Variants in HDAC9 observed in about 807,000 individuals in gnomAD.
HDAC9 encodes histone deacetylase 9, also known as MEF-2 interacting transcription repressor (MITR) protein.
In HDAC9, 41 loss-of-function variants were observed where a neutral mutation model predicts 139.4. The ratio of observed to expected loss-of-function variants is 0.29; its 90% CI spans 0.23 to 0.38. HDAC9 has a LOEUF of 0.38. Among genes scored for constraint, HDAC9 ranks in the 10% least tolerant of loss-of-function variants. The pLI is 1.00. For synonymous variants in HDAC9, 517 were observed against 476.2 expected (o/e 1.09, Z -1.12); for missense variants, 1,147 against 1,297.0 (o/e 0.88, Z 1.78).
At chr7:18,850,041 G>C (rs1363120078) in intron 21 of HDAC9, among the ~76,000 whole-genome samples, 8 of 139,026 alleles carry the variant, frequency 5.8e-5, no homozygotes. Context: ...TCATTTTACT[G>C]TATCTGTAAG....
intron 1 of HDAC9, among the ~76,000 whole-genome samples, chr7:18,441,752 C>T (rs1361269555): frequency 6.6e-6 from 1 of 151,472 alleles, no homozygotes; most frequent in East Asian, 1.9e-4. Flanking sequence ...TATACACACA[C>T]ACATATATGT....
At chr7:18,571,079 A>G (rs1824118634) in intron 2 of HDAC9, among the ~76,000 whole-genome samples, 1 of 152,274 alleles carries the variant, frequency 6.6e-6, no homozygotes, top group African/African-American at 2.4e-5. Context: ...TGGTGCCACC[A>G]TGTGGCAATA....
rs374808676 is a variant in HDAC9 at position 18,989,846 on chromosome 7, C to T, written c.3171-6177C>T. 3.6e-4 allele frequency among the ~76,000 whole-genome samples: 53 copies of T among 145,746 alleles called. No individual in the cohort carries two copies. The East Asian group carries it at 5.6e-3, about 15-fold the overall frequency. On this transcript the variant is annotated intron_variant, in intron 25 of 25. Transcript: ENST00000686413. The stretch of plus-strand genomic sequence containing the variant: ...TACCCTTTCTTCCAGTTGATCGCAT[C>T]GGCTCCTGAGGCTTCTGCATTCTTC...
At chr7:18,547,941 T>A (rs1175132360) in intron 2 of HDAC9, among the ~76,000 whole-genome samples, 1 of 145,312 alleles carries the variant, frequency 6.9e-6, no homozygotes, top group Non-Finnish European at 1.5e-5. Flanking sequence ...CCATTTGCAT[T>A]CACAATTTTG....
At chr7:18,240,159 C>G (rs1584792716) in intron 2 of HDAC9, among the ~76,000 whole-genome samples, 1 of 152,052 alleles carries the variant, frequency 6.6e-6, no homozygotes, top group East Asian at 1.9e-4. Flanking sequence ...AAAAGTCTGG[C>G]TATTTCCTAG....
intron 2 of HDAC9, among the ~76,000 whole-genome samples, chr7:18,529,176 C>T (rs2128231569): frequency 6.6e-6 from 1 of 151,852 alleles, no homozygotes; most frequent in South Asian, 2.1e-4. Context: ...CAGAAAATAA[C>T]CAGAGAAGAA....
At chr7:18,711,894 G>C (rs2129114178) in intron 12 of HDAC9, among the ~76,000 whole-genome samples, 1 of 150,612 alleles carries the variant, frequency 6.6e-6, no homozygotes, top group Non-Finnish European at 1.5e-5. Flanking sequence ...TCCATTCCCT[G>C]TCTTTTCCCA....
Position 18,626,437 on chromosome 7 carries a change from G to A in HDAC9, c.665-2913G>A, listed in dbSNP as rs532755073. Among the ~76,000 whole-genome samples the A allele has an allele frequency of 2.0e-5, 3 of 152,328 alleles. No homozygotes were observed. In the South Asian group the frequency reaches 6.2e-4, roughly 32 times the overall value. The stretch of plus-strand genomic sequence containing the variant: ...TAGAGAAGGAAGGACAATTGAATCT[G>A]TTGGGGGGAAAATGAAGAAAATCCC... On this transcript the variant is annotated intron_variant, in intron 6 of 25. Transcript: ENST00000686413.
intron 23 of HDAC9, among the ~76,000 whole-genome samples, chr7:18,939,066 T>G (rs1367167732): frequency 2.0e-5 from 3 of 152,240 alleles, no homozygotes; most frequent in Admixed American, 6.5e-5. Flanking sequence ...ACTTACTAAT[T>G]AATATGTATG....
chr7:18,416,475 T>C (rs569016813), intron 1 of HDAC9, among the ~76,000 whole-genome samples: 7 of 152,218 alleles, frequency 4.6e-5, no homozygotes, highest in African/African-American at 1.7e-4. Context: ...CTGTGTAGAA[T>C]TGGTATTATA....
chr7:18,325,321 C>T (rs963531480), intron 1 of HDAC9, among the ~76,000 whole-genome samples: 2 of 152,024 alleles, frequency 1.3e-5, no homozygotes, highest in African/African-American at 2.4e-5. Context: ...TCTTCAATTT[C>T]CCCAGTTGAC....
At position 18,719,783 on chromosome 7, in the gene HDAC9, G is replaced by A. The variant is rs1485879765; in HGVS notation, c.1732-7797G>A. Among the ~76,000 whole-genome samples the A allele has an allele frequency of 9.9e-5, 15 of 152,190 alleles. 1 individual carries two copies. Reference sequence around the variant, plus strand: ...TGATCCATTTGGAGTTAACTTTTGTGTATGGCATGAGGAATGGAGTTTTAC... The same window carrying A: ...TGATCCATTTGGAGTTAACTTTTGTATATGGCATGAGGAATGGAGTTTTAC... On this transcript the variant is annotated intron_variant, in intron 12 of 25. Coordinates refer to ENST00000686413, the MANE Select transcript of HDAC9 (RefSeq NM_178425.4).
At chr7:18,540,308 GTT>G (rs1812409556) in intron 2 of HDAC9, among the ~76,000 whole-genome samples, 10 of 149,090 alleles carry the variant, frequency 6.7e-5, no homozygotes, top group Middle Eastern at 7.0e-3. Context: ...GGGTGGGAAA[GTT>G]TATAGACAGT....
chr7:18,764,005 T>G (rs144562126), intron 15 of HDAC9, among the ~76,000 whole-genome samples: 1 of 152,266 alleles, frequency 6.6e-6, no homozygotes, highest in East Asian at 1.9e-4. Flanking sequence ...TTTAAACTTT[T>G]GCAACATCAA....
chr7:18,552,173 A>C (rs1817363989), intron 2 of HDAC9, among the ~76,000 whole-genome samples: 1 of 152,224 alleles, frequency 6.6e-6, no homozygotes, highest in Non-Finnish European at 1.5e-5. Flanking sequence ...CATATATTTT[A>C]TCAAGAATGT....
chr7:18,985,586 G>C (rs1785281458), intron 25 of HDAC9, among the ~76,000 whole-genome samples: 1 of 150,220 alleles, frequency 6.7e-6, no homozygotes, highest in African/African-American at 2.5e-5. Context: ...TATATACCCA[G>C]TAATGGGATG....
intron 1 of HDAC9, among the ~76,000 whole-genome samples, chr7:18,460,677 A>C (rs1055420804): frequency 6.6e-6 from 1 of 151,268 alleles, no homozygotes; most frequent in African/African-American, 2.4e-5. Flanking sequence ...AATCCCAGCT[A>C]CTCGGGAGGC....
intron 14 of HDAC9, among the ~76,000 whole-genome samples, chr7:18,757,970 C>G (rs1299907765): frequency 6.6e-6 from 1 of 152,126 alleles, no homozygotes; most frequent in East Asian, 1.9e-4. Context: ...GGGTTCTGAA[C>G]TAAACATGAT....
At chr7:18,096,883 T>TG (rs1782539466) in intron 1 of HDAC9, among the ~76,000 whole-genome samples, 2 of 145,218 alleles carry the variant, frequency 1.4e-5, no homozygotes, top group Admixed American at 6.9e-5. Flanking sequence ...CTTGTTGGCT[T>TG]TGTGTGTGTG....
Sources: allele counts gnomAD v4.1 joint callset (sites outside exome capture counted in the v4.1 genomes callset), GRCh38; gene constraint gnomAD v4.1.1; transcripts MANE v1.5; gene names NCBI Gene and HGNC (gene_info 2026-07-23, HGNC 2026-07-21).